TMEM87B: variants seen among roughly 807,000 people sequenced by gnomAD.
TMEM87B encodes transmembrane protein 87B.
In TMEM87B, 83 loss-of-function variants were observed where a neutral mutation model predicts 80.3. That is an observed-to-expected ratio of 1.03 (90% CI 0.87 to 1.24). The LOEUF is 1.24. Ranked by LOEUF, TMEM87B falls within the 50% of genes most tolerant of loss-of-function variation. The pLI, the probability that TMEM87B is intolerant of heterozygous loss-of-function variation, is 0.00. For synonymous variants in TMEM87B, 219 were observed against 230.5 expected (o/e 0.95, Z 0.45); for missense variants, 625 against 674.4 (o/e 0.93, Z 0.81).
At chr2:112,072,426 G>T (rs1486012972) in intron 4 of TMEM87B, among the ~76,000 whole-genome samples, 1 of 152,026 alleles carries the variant, frequency 6.6e-6, no homozygotes, top group Admixed American at 6.6e-5. Context: ...TTTTTGGTTG[G>T]TAGGCTATTT....
At position 112,068,564 on chromosome 2, in the gene TMEM87B, C is replaced by T. The variant is rs867861740; in HGVS notation, c.450+1497C>T. On this transcript the variant is annotated intron_variant, in intron 4 of 18. Coordinates refer to ENST00000283206, the MANE Select transcript of TMEM87B (RefSeq NM_032824.3). ...CTAAAAATACAAAAAATTAGCCGAG[C>T]GTGGTGGCGGGCACCTGTAGTCCCA... Among the ~76,000 whole-genome samples, 6 of 151,616 alleles carry T rather than the reference C, an allele frequency of 4.0e-5. No homozygotes were observed. In the East Asian group the frequency reaches 7.9e-4, roughly 20 times the overall value.
intron 10 of TMEM87B, among the ~76,000 whole-genome samples, chr2:112,090,998 TATAATA>T (rs898298382): frequency 5.9e-5 from 9 of 152,142 alleles, no homozygotes; most frequent in Admixed American, 3.3e-4. Context: ...TCTGCATTCA[TATAATA>T]ATAATAATAA....
At chr2:112,091,490 A>G (rs1309505509) in intron 10 of TMEM87B, among the ~76,000 whole-genome samples, 1 of 151,996 alleles carries the variant, frequency 6.6e-6, no homozygotes, top group Non-Finnish European at 1.5e-5. Flanking sequence ...CCATTACATA[A>G]TACAGTTTTA....
At chr2:112,081,243 G>C in intron 7 of TMEM87B, 92 bp from the exon 8 acceptor site, 5 of 1,438,824 alleles carry the variant, frequency 3.5e-6, no homozygotes, top group Non-Finnish European at 4.8e-6. Flanking sequence ...CAGAGTGACT[G>C]GAAAATGAAG....
intron 1 of TMEM87B, among the ~76,000 whole-genome samples, chr2:112,059,147 TTTTTGTTTTG>T (rs748411049): frequency 6.6e-6 from 1 of 152,146 alleles, no homozygotes; most frequent in Non-Finnish European, 1.5e-5. Context: ...CTATCAGTGT[TTTTTGTTTTG>T]TTTTGTTTTG....
chr2:112,097,186 C>A (rs1679495192), intron 12 of TMEM87B, 34 bp downstream of exon 12: 2 of 1,597,854 alleles, frequency 1.3e-6, no homozygotes, highest in Admixed American at 1.8e-5. Flanking sequence ...AGTAAATTAT[C>A]TTAGTATTGT....
chr2:112,090,900 G>C (rs1679278248), intron 10 of TMEM87B, among the ~76,000 whole-genome samples: 1 of 152,050 alleles, frequency 6.6e-6, no homozygotes, highest in Admixed American at 6.5e-5. Context: ...TCTTCTCCCT[G>C]TTGTCTTTGA....
At chr2:112,062,516 A>G (rs538763651) in intron 2 of TMEM87B, among the ~76,000 whole-genome samples, 2 of 152,372 alleles carry the variant, frequency 1.3e-5, no homozygotes, top group African/African-American at 4.8e-5. Context: ...AATCTGTAGC[A>G]AACATCATAC....
At chr2:112,104,490 A>C (rs1427896415) in intron 15 of TMEM87B, among the ~76,000 whole-genome samples, 1 of 152,222 alleles carries the variant, frequency 6.6e-6, no homozygotes, top group African/African-American at 2.4e-5. Context: ...GTCATCAGGG[A>C]AATGCAAATT....
rs1317826139 is a variant in TMEM87B, at chr2:112,071,312, CCG to C, written c.451-3598_451-3597del. ...TGCTAGTGATTCCCCCCCCGCCCCC[CCG>C]CCGCCGCCACCACTGCCCACTCTGT... On this transcript the variant is annotated intron_variant, in intron 4 of 18. Transcript: ENST00000283206. Among the ~76,000 whole-genome samples, 797 of 143,178 alleles carry C rather than the reference CCG, an allele frequency of 5.6e-3. 6 individuals are homozygous for C. Among genetic ancestry groups the C allele is most frequent in the African/African-American group, 0.018 (696 of 38,058 alleles). The allele number at this position is 143,178 out of a possible 152,430, so 93.9% of individuals were successfully genotyped here.
intron 4 of TMEM87B, among the ~76,000 whole-genome samples, chr2:112,069,061 G>T (rs1180633490): frequency 1.3e-5 from 2 of 151,426 alleles, no homozygotes; most frequent in Admixed American, 1.3e-4. Context: ...GCGCGGTGGC[G>T]GGCGCCTGTA....
intron 5 of TMEM87B, among the ~76,000 whole-genome samples, 153 bp from the exon 6 acceptor site, chr2:112,077,039 A>AG (rs1491178814): frequency 2.2e-5 from 1 of 46,032 alleles, no homozygotes; most frequent in Non-Finnish European, 4.7e-5. Flanking sequence ...CCCCCATCTC[A>AG]AAAAAAAAAA....
intron 6 of TMEM87B, among the ~76,000 whole-genome samples, chr2:112,080,095 A>T (rs1207675000): frequency 6.6e-6 from 1 of 150,790 alleles, no homozygotes; most frequent in Non-Finnish European, 1.5e-5. Flanking sequence ...CCACCTGGCT[A>T]ATTTTTCTGT....
rs185891223 is a variant in TMEM87B at position 112,107,496 on chromosome 2, A to G, written c.1525-292A>G. ...AAATTCAATATCCTTGCTATTTTCTATCTTACAAATGAACTTTGTGTTTTT... is the reference window on the plus strand; with the variant it reads ...AAATTCAATATCCTTGCTATTTTCTGTCTTACAAATGAACTTTGTGTTTTT... On this transcript the variant is annotated intron_variant, in intron 16 of 18. Coordinates refer to ENST00000283206, the MANE Select transcript of TMEM87B (RefSeq NM_032824.3). Among the ~76,000 whole-genome samples, 44 of 152,126 alleles carry G rather than the reference A, an allele frequency of 2.9e-4. 1 individual carries two copies. In the East Asian group the frequency reaches 7.1e-3, roughly 25 times the overall value.
chr2:112,108,341 T>A (rs1679826329), intron 17 of TMEM87B, among the ~76,000 whole-genome samples: 1 of 152,212 alleles, frequency 6.6e-6, no homozygotes, highest in South Asian at 2.1e-4. Flanking sequence ...AAAATTTTTT[T>A]ACATATTGGT....
Position 112,087,580 on chromosome 2 carries a change from C to T in TMEM87B, c.938+1476C>T, listed in dbSNP as rs1381030055. ...CACGGGCCACCCCTGCCTTTGTGCC[C>T]ACTCAACTGTGAGGGAAACTGTCCT... On this transcript the variant is annotated intron_variant, in intron 9 of 18. Coordinates refer to ENST00000283206, the MANE Select transcript of TMEM87B (RefSeq NM_032824.3). Among the ~76,000 whole-genome samples, 3 of 152,142 alleles carry T rather than the reference C, an allele frequency of 2.0e-5. No homozygotes were observed. The South Asian group carries it at 6.2e-4, about 32-fold the overall frequency.
At chr2:112,060,999 A>G (rs754009187) in intron 2 of TMEM87B, among the ~76,000 whole-genome samples, 5 of 152,250 alleles carry the variant, frequency 3.3e-5, no homozygotes, top group Non-Finnish European at 7.3e-5. Context: ...TTTTACGAAT[A>G]TATGAAATGT....
intron 6 of TMEM87B, 34 bp downstream of exon 6, chr2:112,077,316 C>A: frequency 8.4e-7 from 1 of 1,197,364 alleles, no homozygotes; most frequent in Non-Finnish European, 1.2e-6. Context: ...TTACTGTCTG[C>A]ATTTTCTGTA....
chr2:112,055,772 G>A lies in TMEM87B; in HGVS notation c.165+16G>A, dbSNP rs758463203. ...AGTCAACGACGTAAGTGGAGTGTCG[G>A]GACCCAGGCGTGGCACGTCTCGGGC... On this transcript the variant is annotated intron_variant, in intron 1 of 18. Transcript: ENST00000283206. 4.7e-5 allele frequency: 68 copies of A among 1,458,834 alleles called. No homozygotes were observed. Among genetic ancestry groups the A allele is most frequent in the Admixed American group, 2.5e-4 (9 of 36,486 alleles). 90.4% of individuals were successfully genotyped at this position (1,458,834 alleles called of 1,614,324 possible).
Sources: allele counts gnomAD v4.1 joint callset (sites outside exome capture counted in the v4.1 genomes callset), GRCh38; gene constraint gnomAD v4.1.1; transcripts MANE v1.5; gene names NCBI Gene and HGNC (gene_info 2026-07-23, HGNC 2026-07-21).